Variants in VPS13C observed in about 807,000 individuals in gnomAD.
VPS13C encodes the protein vacuolar protein sorting 13 homolog C.
In VPS13C, 358 loss-of-function variants were observed where a neutral mutation model predicts 456.8. The ratio of observed to expected loss-of-function variants is 0.78; its 90% CI spans 0.72 to 0.86. The LOEUF (loss-of-function observed/expected upper bound fraction) is 0.86. VPS13C is among the 40% of genes least tolerant of loss of function. VPS13C has a pLI of 0.00. For synonymous variants in VPS13C, 1,578 were observed against 1,486.7 expected (o/e 1.06, Z -1.41); for missense variants, 4,818 against 4,385.4 (o/e 1.10, Z -2.79).
rs1259669638 is a variant in VPS13C, at chr15:61,981,385, T to C, written c.2123A>G (p.His708Arg). The change falls in exon 22 of 85, where the codon CAT becomes CGT. Residue 708 changes from histidine (H) to arginine (R), a missense_variant. Coordinates refer to ENST00000644861, the MANE Select transcript of VPS13C (RefSeq NM_020821.3). Reference protein sequence around the residue: ...YLVVPQTGFHHEKSDLLILDF... With the variant: ...YLVVPQTGFHREKSDLLILDF... ...TAAAATCAGAAGATCTGACTTTTCA[T>C]GGTGGAAACCCGTCTGTGGAACTAC... The C allele has an allele frequency of 1.2e-6, 2 of 1,611,906 alleles. No homozygotes were observed. Among genetic ancestry groups the C allele is most frequent in the Non-Finnish European group, 1.7e-6 (2 of 1,179,316 alleles).
chr15:62,006,961 G>A (rs573081206), intron 15 of VPS13C, among the ~76,000 whole-genome samples: 62 of 152,042 alleles, frequency 4.1e-4, no homozygotes, highest in South Asian at 2.7e-3. Flanking sequence ...AGCCACTACC[G>A]TATAAATACA....
At chr15:61,903,175 AAAAC>A (rs903044266) in intron 66 of VPS13C, among the ~76,000 whole-genome samples, 15 of 151,972 alleles carry the variant, frequency 9.9e-5, no homozygotes, top group Admixed American at 9.8e-4. Context: ...AAAAAAAACA[AAAAC>A]AAAAACAAAA....
chr15:61,876,683 T>C (rs1258292665), intron 75 of VPS13C, among the ~76,000 whole-genome samples: 1 of 151,958 alleles, frequency 6.6e-6, no homozygotes, highest in East Asian at 1.9e-4. Flanking sequence ...TCAGAAACTA[T>C]AATCACTGAA....
chr15:61,865,852 A>G, intron 81 of VPS13C: 1 of 932,394 alleles, frequency 1.1e-6, no homozygotes, highest in Non-Finnish European at 1.3e-6. Flanking sequence ...ATCTCATGGA[A>G]ATATAATATA....
In VPS13C at chr15:61,865,574, ATATG is replaced by A. The variant is rs1416168603; in HGVS notation, c.10864-2050_10864-2047del. The A allele has an allele frequency of 1.6e-5, 11 of 691,852 alleles. No individual in the cohort carries two copies. The East Asian group carries it at 4.0e-4, about 25-fold the overall frequency. The allele number at this position is 691,852 out of a possible 1,614,324, so 42.9% of individuals were successfully genotyped here. A position where few individuals can be genotyped will look rare whatever the true frequency, so the allele number is the denominator to read the frequency against. On this transcript the variant is annotated intron_variant, in intron 81 of 84. Coordinates refer to ENST00000644861, the MANE Select transcript of VPS13C (RefSeq NM_020821.3). ...TGTAAATATGTGTATGTTTGCGTATATATGTGTGTATATGTGTGTGTATATATGT... is the reference window on the plus strand; with the variant it reads ...TGTAAATATGTGTATGTTTGCGTATATGTGTATATGTGTGTGTATATATGT...
intron 42 of VPS13C, among the ~76,000 whole-genome samples, chr15:61,948,753 C>T (rs1017370521): frequency 6.6e-6 from 1 of 151,664 alleles, no homozygotes; most frequent in African/African-American, 2.4e-5. Context: ...ACCAAACATG[C>T]CAGTAATACA....
intron 6 of VPS13C, among the ~76,000 whole-genome samples, chr15:62,027,148 G>C (rs968806864): frequency 1.3e-5 from 2 of 151,984 alleles, no homozygotes; most frequent in Admixed American, 6.6e-5. Context: ...TTAAGTCCTA[G>C]CCAGCTGAAT....
chr15:62,018,226 C>G (rs1182298282), intron 9 of VPS13C, among the ~76,000 whole-genome samples: 1 of 152,146 alleles, frequency 6.6e-6, no homozygotes, highest in African/African-American at 2.4e-5. Flanking sequence ...ATCATGTCAT[C>G]TGCAAACACG....
chr15:62,018,970 T>G (rs144949777), intron 9 of VPS13C, among the ~76,000 whole-genome samples: 8,917 of 152,242 alleles, frequency 0.059, 317 homozygotes, highest in Non-Finnish European at 0.08. Context: ...TCAGAGCCTG[T>G]TATTGATCTA....
At chr15:61,899,986 A>T (rs914611913) in intron 66 of VPS13C, among the ~76,000 whole-genome samples, 3 of 152,354 alleles carry the variant, frequency 2.0e-5, no homozygotes, top group African/African-American at 7.2e-5. Context: ...GTAATCCAGC[A>T]TATAAACAGA....
chr15:62,054,011 T>C (rs896693277), intron 1 of VPS13C, among the ~76,000 whole-genome samples: 24 of 152,208 alleles, frequency 1.6e-4, no homozygotes, highest in African/African-American at 4.6e-4. Context: ...TTCCGAGTAC[T>C]GGAGGATTTT....
chr15:61,963,313 C>A (rs1020426654), intron 32 of VPS13C, among the ~76,000 whole-genome samples: 1 of 151,962 alleles, frequency 6.6e-6, no homozygotes, highest in Non-Finnish European at 1.5e-5. Flanking sequence ...TCACAACAAG[C>A]TAGTAAAAGT....
At chr15:62,002,698 A>G (rs2046672539) in intron 15 of VPS13C, among the ~76,000 whole-genome samples, 1 of 98,868 alleles carries the variant, frequency 1.0e-5, no homozygotes, top group Admixed American at 1.2e-4. Flanking sequence ...ATTTTTGTAT[A>G]AGGTGTAAGG....
At position 62,044,200 on chromosome 15, in the gene VPS13C, A is replaced by T; in HGVS notation, c.144+12T>A. 1 of 1,477,566 alleles carries T rather than the reference A, an allele frequency of 6.8e-7. No homozygotes were observed. Among genetic ancestry groups the T allele is most frequent in the Non-Finnish European group, 9.3e-7 (1 of 1,075,828 alleles). 91.5% of individuals were successfully genotyped at this position (1,477,566 alleles called of 1,614,324 possible). A position where few individuals can be genotyped will look rare whatever the true frequency, so the allele number is the denominator to read the frequency against. On this transcript the variant is annotated intron_variant, in intron 2 of 84. Transcript: ENST00000644861. Reference sequence around the variant, plus strand: ...TTAAGTGAGTTATTAGCATAGTTTAAAAAAAACTTACCAGGGCATTTTCTT... The same window carrying T: ...TTAAGTGAGTTATTAGCATAGTTTATAAAAAACTTACCAGGGCATTTTCTT...
At chr15:61,997,323 G>A (rs797013999) in intron 16 of VPS13C, among the ~76,000 whole-genome samples, 46 of 152,162 alleles carry the variant, frequency 3.0e-4, no homozygotes, top group African/African-American at 1.1e-3. Context: ...CCCTCTGATT[G>A]TAACAATAGA....
At position 61,868,732 on chromosome 15, in the gene VPS13C, G is replaced by A. The variant is rs763280480; in HGVS notation, c.10790C>T (p.Pro3597Leu). The A allele has an allele frequency of 1.2e-6, 2 of 1,614,102 alleles. No individual in the cohort carries two copies. Among genetic ancestry groups the A allele is most frequent in the Non-Finnish European group, 1.7e-6 (2 of 1,180,016 alleles). ...GATGCCATCTTCATGGATCAGGCGA[G>A]GGGGACGGAGGCTAGATACTTCCTC... ...STEEVSSLRP[P>L]RLIHEDGIIR... Residue 3597 changes from proline (P) to leucine (L), a missense_variant, in exon 81 of 85, where the codon CCT becomes CTT. By Grantham distance (98) the Pro-to-Leu change is moderately conservative (BLOSUM62 -3). This residue lies in a region of VPS13C where 261 missense variants were observed against 234.1 expected (regional missense o/e 1.11). Coordinates refer to ENST00000644861, the MANE Select transcript of VPS13C (RefSeq NM_020821.3).
At chr15:61,903,535 T>C (rs77997115) in intron 66 of VPS13C, among the ~76,000 whole-genome samples, 1,523 of 152,268 alleles carry the variant, frequency 0.01, 29 homozygotes, top group African/African-American at 0.035. Flanking sequence ...ATATCCCTTA[T>C]TCATGGTTTA....
At chr15:62,055,316 C>T (rs765013614) in intron 1 of VPS13C, among the ~76,000 whole-genome samples, 7 of 152,030 alleles carry the variant, frequency 4.6e-5, no homozygotes, top group African/African-American at 7.2e-5. Flanking sequence ...CAACCTCTGC[C>T]GCCCAGGTTC....
rs2043578673 is a variant in VPS13C, at chr15:61,919,446, G to C, written c.7481C>G (p.Pro2494Arg). The C allele has an allele frequency of 6.3e-7, 1 of 1,577,160 alleles. No homozygotes were observed. The highest frequency in any genetic ancestry group is 1.2e-5 in the South Asian group (1 of 83,608). Reference protein sequence around the residue: ...ESSFFTLTIVPHGYTEVANIP... With the variant: ...ESSFFTLTIVRHGYTEVANIP... ...ATTTGCAACTTCTGTATATCCATGA[G>C]GTACTAAGGCAGTGCATAAGTGAAA... The change falls in exon 58 of 85, where the codon CCT (proline) becomes CGT (arginine). Residue 2494 changes from proline (P) to arginine (R), a missense_variant. Pro to Arg is a moderately radical substitution (Grantham distance 103, BLOSUM62 -2). Coordinates refer to ENST00000644861, the MANE Select transcript of VPS13C (RefSeq NM_020821.3).
Sources: allele counts gnomAD v4.1 joint callset (sites outside exome capture counted in the v4.1 genomes callset), GRCh38; gene constraint gnomAD v4.1.1; regional missense constraint gnomAD v4.1.1; transcripts MANE v1.5; gene names NCBI Gene and HGNC (gene_info 2026-07-23, HGNC 2026-07-21).